The following PTPRT variants were observed in gnomAD, a reference collection of about 807,000 sequenced individuals.
PTPRT encodes the protein receptor-type tyrosine-protein phosphatase T.
A neutral mutation model predicts 176.8 loss-of-function variants in PTPRT; 56 were observed. That is an observed-to-expected ratio of 0.32 (90% CI 0.26 to 0.40). The LOEUF (loss-of-function observed/expected upper bound fraction) is 0.40, where lower values mean the gene tolerates loss of function less well. Ranked by LOEUF, PTPRT falls within the 10% of genes least tolerant of loss-of-function variation. The pLI is 1.00. For synonymous variants in PTPRT, 783 were observed against 739.0 expected (o/e 1.06, Z -0.96); for missense variants, 1,540 against 1,908.2 (o/e 0.81, Z 3.60).
At chr20:42,142,237 C>T (rs1988664104) in intron 17 of PTPRT, among the ~76,000 whole-genome samples, 1 of 152,172 alleles carries the variant, frequency 6.6e-6, no homozygotes. Flanking sequence ...CACAATCTAG[C>T]CCAGTGGGGG....
In PTPRT at chr20:42,448,253, G is replaced by A; in HGVS notation, c.1527C>T (p.Pro509=). ...EEKIYIQWKP[P]NETNGVITLY... ...GCGTGATGACCCCATTGGTCTCATT[G>A]GGAGGTTTCCACTGGATGTAGATCT... Residue 509 remains proline, a synonymous_variant, in exon 9 of 31, where the codon CCC becomes CCT. Coordinates refer to ENST00000373187, the MANE Select transcript of PTPRT (RefSeq NM_007050.6). 6.2e-7 allele frequency: 1 copy of A among 1,613,356 alleles called. No individual in the cohort carries two copies. Among genetic ancestry groups the A allele is most frequent in the Non-Finnish European group, 8.5e-7 (1 of 1,179,370 alleles).
chr20:43,137,942 C>T (rs940887545), intron 1 of PTPRT, among the ~76,000 whole-genome samples: 2 of 152,192 alleles, frequency 1.3e-5, no homozygotes, highest in African/African-American at 2.4e-5. Context: ...AGGGAGGAAG[C>T]CTTTTGCAGT....
intron 1 of PTPRT, among the ~76,000 whole-genome samples, chr20:42,911,976 CTTTTTTTTTTTTTT>C (rs11475084): frequency 2.4e-5 from 3 of 124,322 alleles, no homozygotes; most frequent in Non-Finnish European, 5.0e-5. Flanking sequence ...ATCCTCTTTT[CTTTTTTTTTTTTTT>C]TTTTGCTTTC....
chr20:42,660,061 G>A (rs1235007177), intron 7 of PTPRT, among the ~76,000 whole-genome samples: 1 of 152,192 alleles, frequency 6.6e-6, no homozygotes. Context: ...TCTGAATTAA[G>A]TCGCAGGGAA....
intron 2 of PTPRT, among the ~76,000 whole-genome samples, chr20:42,870,449 A>G (rs2078825233): frequency 6.6e-6 from 1 of 152,236 alleles, no homozygotes; most frequent in Non-Finnish European, 1.5e-5. Context: ...GCTACTGTGA[A>G]TAATGCTACA....
At chr20:42,811,851 G>T (rs2077702551) in intron 2 of PTPRT, among the ~76,000 whole-genome samples, 1 of 151,870 alleles carries the variant, frequency 6.6e-6, no homozygotes, top group Admixed American at 6.6e-5. Context: ...TTTTATTTTT[G>T]TTTGCTTTTA....
At chr20:43,148,995 G>A (rs2014258974) in intron 1 of PTPRT, among the ~76,000 whole-genome samples, 1 of 152,114 alleles carries the variant, frequency 6.6e-6, no homozygotes, top group Non-Finnish European at 1.5e-5. Context: ...AATTAATGCT[G>A]CAGAATAACT....
chr20:42,771,814 A>G (rs1441600081), intron 4 of PTPRT, among the ~76,000 whole-genome samples: 1 of 152,198 alleles, frequency 6.6e-6, no homozygotes, highest in Admixed American at 6.5e-5. Context: ...TAAGGCTCTG[A>G]GGGTTTACGT....
chr20:43,054,290 A>G (rs1307714988), intron 1 of PTPRT, among the ~76,000 whole-genome samples: 1 of 152,198 alleles, frequency 6.6e-6, no homozygotes, highest in Non-Finnish European at 1.5e-5. Context: ...ACAATGGCTC[A>G]CACCTGTAAT....
chr20:42,577,919 G>A lies in PTPRT; in HGVS notation c.1153+99947C>T, dbSNP rs111933799. 7.2e-5 allele frequency among the ~76,000 whole-genome samples: 10 copies of A among 139,516 alleles called. No homozygotes were observed. The South Asian group carries it at 1.0e-3, about 14-fold the overall frequency. 91.5% of individuals were successfully genotyped at this position (139,516 alleles called of 152,430 possible). A position where few individuals can be genotyped will look rare whatever the true frequency, so the allele number is the denominator to read the frequency against. On this transcript the variant is annotated intron_variant, in intron 7 of 30. Transcript: ENST00000373187. ...AAGAGAAAAACCTTCAGACCTGAGC[G>A]AGGCTGTGTGTGTGTGTGTGTGTGT...
At chr20:42,442,708 T>C (rs144682295) in intron 9 of PTPRT, among the ~76,000 whole-genome samples, 10 of 152,328 alleles carry the variant, frequency 6.6e-5, no homozygotes, top group Admixed American at 3.9e-4. Context: ...CCTCACACTG[T>C]GTGATTTTTA....
At chr20:43,013,824 G>C (rs918866829) in intron 1 of PTPRT, among the ~76,000 whole-genome samples, 1 of 152,204 alleles carries the variant, frequency 6.6e-6, no homozygotes, top group African/African-American at 2.4e-5. Context: ...AGGGCTCCAG[G>C]CAGACAGAAC....
At position 42,078,865 on chromosome 20, in the gene PTPRT, G is replaced by A. The variant is rs573799427; in HGVS notation, c.*2014C>T. The A allele has an allele frequency of 1.7e-5, 3 of 174,508 alleles. No homozygotes were observed. The highest frequency in any genetic ancestry group is 1.0e-4 in the East Asian group (1 of 9,910). The allele number at this position is 174,508 out of a possible 1,614,324, so 10.8% of individuals were successfully genotyped here. On this transcript the variant is annotated 3_prime_UTR_variant, in exon 31 of 31. Transcript: ENST00000373187. The stretch of plus-strand genomic sequence containing the variant: ...GGACGTCCCCTTCTCCAGGAAGCCC[G>A]AGGCCGAAGAGACTTTCTTGCTCCT...
intron 1 of PTPRT, among the ~76,000 whole-genome samples, chr20:43,007,051 G>A (rs934777027): frequency 6.6e-6 from 1 of 152,144 alleles, no homozygotes; most frequent in Non-Finnish European, 1.5e-5. Flanking sequence ...ACAGAAATTA[G>A]AACAATCTAA....
chr20:42,668,693 A>AT (rs1247883470), intron 7 of PTPRT, among the ~76,000 whole-genome samples: 2 of 121,188 alleles, frequency 1.7e-5, no homozygotes, highest in Non-Finnish European at 3.4e-5. Flanking sequence ...TCTGCGGATA[A>AT]TTCTTTTTTT....
chr20:42,711,950 C>T (rs1306124986), intron 6 of PTPRT, among the ~76,000 whole-genome samples: 8 of 152,076 alleles, frequency 5.3e-5, no homozygotes, highest in Non-Finnish European at 1.0e-4. Context: ...CAGCCCATGA[C>T]TCTCATTCAC....
chr20:42,870,234 A>G (rs146164186), intron 2 of PTPRT, among the ~76,000 whole-genome samples: 329 of 152,324 alleles, frequency 2.2e-3, no homozygotes, highest in Non-Finnish European at 3.7e-3. Flanking sequence ...CTCTAGATAC[A>G]TCACATAAGT....
At chr20:42,679,071 C>T (rs544737299) in intron 6 of PTPRT, among the ~76,000 whole-genome samples, 2 of 152,266 alleles carry the variant, frequency 1.3e-5, no homozygotes, top group Admixed American at 6.5e-5. Flanking sequence ...GCTGAGTTAT[C>T]GTGCATCTAC....
Position 42,678,076 on chromosome 20 carries a change from T to C in PTPRT, c.943A>G (p.Ile315Val). Reference sequence around the variant, plus strand: ...TTCAGGATGATGGGGCCATCCCCGATGATGGAGTTGGCATTTGGCTTGATC... The same window carrying C: ...TTCAGGATGATGGGGCCATCCCCGACGATGGAGTTGGCATTTGGCTTGATC... Reference protein sequence around the residue: ...LWIKPNANSIIGDGPIILKEV... With the variant: ...LWIKPNANSIVGDGPIILKEV... Residue 315 changes from isoleucine to valine, a missense_variant, in exon 7 of 31, where the codon ATC becomes GTC. By Grantham distance (29) the Ile-to-Val change is conservative (BLOSUM62 3). Coordinates refer to ENST00000373187, the MANE Select transcript of PTPRT (RefSeq NM_007050.6). 6.2e-7 allele frequency: 1 copy of C among 1,614,156 alleles called. No individual in the cohort carries two copies. Among genetic ancestry groups the C allele is most frequent in the Non-Finnish European group, 8.5e-7 (1 of 1,180,016 alleles).
Sources: allele counts gnomAD v4.1 joint callset (sites outside exome capture counted in the v4.1 genomes callset), GRCh38; gene constraint gnomAD v4.1.1; transcripts MANE v1.5; gene names NCBI Gene and HGNC (gene_info 2026-07-23, HGNC 2026-07-21).